The following UBXN11 variants were observed in gnomAD, a reference collection of about 807,000 sequenced individuals.
UBXN11 encodes UBX domain-containing protein 11.
A neutral mutation model predicts 62.8 loss-of-function variants in UBXN11; 47 were observed. The observed-to-expected ratio is 0.75, with a 90% CI of 0.59 to 0.95. The LOEUF (loss-of-function observed/expected upper bound fraction) is 0.95, where lower values mean the gene tolerates loss of function less well. Ranked by LOEUF, UBXN11 falls within the 40% of genes least tolerant of loss-of-function variation. UBXN11 has a pLI of 0.00. For missense variants in UBXN11, 638 were observed against 661.7 expected, an observed-to-expected ratio of 0.96 and a Z score of 0.39; for synonymous variants, 294 against 267.0, an observed-to-expected ratio of 1.10 and a Z score of -0.99.
intron 1 of UBXN11, among the ~76,000 whole-genome samples, chr1:26,315,657 T>C (rs1004406865): frequency 6.6e-6 from 1 of 152,226 alleles, no homozygotes; most frequent in Non-Finnish European, 1.5e-5. Flanking sequence ...AGTTCTTCTT[T>C]TCTTCTCTTC....
chr1:26,297,013 G>T lies in UBXN11; in HGVS notation c.356-18C>A. The T allele has an allele frequency of 6.3e-7, 1 of 1,592,036 alleles. No homozygotes were observed. Among genetic ancestry groups the T allele is most frequent in the Non-Finnish European group, 8.6e-7 (1 of 1,168,146 alleles). On this transcript the variant is annotated intron_variant, in intron 6 of 14. Coordinates refer to ENST00000374222, the MANE Select transcript of UBXN11 (RefSeq NM_001389556.1). ...TGCCTCGGCTTCAGGGAAAGACAGG[G>T]ACAGGCTTCAGCTGCCCCAGCAAGA... is the stretch of plus-strand genomic sequence containing the variant.
At chr1:26,301,545 A>C (rs1008711122) in intron 3 of UBXN11, 149 bp downstream of exon 3, 1 of 1,124,630 alleles carries the variant, frequency 8.9e-7, no homozygotes, top group Non-Finnish European at 1.3e-6. Context: ...GCCCTCAGGG[A>C]GGACAGCATG....
At chr1:26,294,973 G>A (rs968236390) in intron 7 of UBXN11, among the ~76,000 whole-genome samples, 2 of 151,800 alleles carry the variant, frequency 1.3e-5, no homozygotes, top group Admixed American at 6.6e-5. Flanking sequence ...TTCCTTCACC[G>A]TTTCCCCTTC....
At chr1:26,308,471 GT>G (rs1392154078), upstream of UBXN11, among the ~76,000 whole-genome samples, 2 of 152,072 alleles carry the variant, frequency 1.3e-5, no homozygotes, top group African/African-American at 4.8e-5. Flanking sequence ...AAGGAAGAAG[GT>G]GGTACAGACC....
intron 1 of UBXN11, among the ~76,000 whole-genome samples, chr1:26,317,739 C>T (rs1208151951): frequency 6.6e-6 from 1 of 152,112 alleles, no homozygotes. Flanking sequence ...CTACTTACTC[C>T]CACCGTTGCC....
intron 8 of UBXN11, among the ~76,000 whole-genome samples, chr1:26,289,573 A>G (rs2073209959): frequency 6.6e-6 from 1 of 151,992 alleles, no homozygotes; most frequent in African/African-American, 2.4e-5. Context: ...CTTTCCAGAA[A>G]TGTCTGAGCA....
intron 4 of UBXN11, among the ~76,000 whole-genome samples, chr1:26,298,519 C>T (rs1050228229): frequency 1.3e-5 from 2 of 152,202 alleles, no homozygotes; most frequent in Admixed American, 6.5e-5. Context: ...GCCGGGCATG[C>T]GGTGGCTCAT....
chr1:26,298,708 C>T (rs969888047), intron 4 of UBXN11, among the ~76,000 whole-genome samples: 6 of 139,462 alleles, frequency 4.3e-5, no homozygotes, highest in East Asian at 4.6e-4. Context: ...ACCCAGGAGG[C>T]GGAGGTTGCA....
chr1:26,297,089 G>C (rs2073412165), intron 6 of UBXN11, 94 bp from the exon 7 acceptor site: 1 of 1,433,246 alleles, frequency 7.0e-7, no homozygotes, highest in African/African-American at 1.4e-5. Context: ...GCTGTTCTGG[G>C]GATCCCCCAA....
chr1:26,297,517 T>C (rs1309219516), intron 5 of UBXN11, 36 bp from the exon 6 acceptor site: 2 of 1,521,976 alleles, frequency 1.3e-6, no homozygotes, highest in African/African-American at 2.8e-5. Flanking sequence ...ACAGGGCCTG[T>C]GGTTCCCAGA....
rs751469342 is a variant in UBXN11, at chr1:26,282,374, ACCGGG to A, written c.1483_1487del (p.Pro495SerfsTer?). 1 of 599,190 alleles carries A rather than the reference ACCGGG, an allele frequency of 1.7e-6. No individual in the cohort carries two copies. Among genetic ancestry groups the A allele is most frequent in the Non-Finnish European group, 2.4e-6 (1 of 408,258 alleles). The allele number at this position is 599,190 out of a possible 1,614,324, so 37.1% of individuals were successfully genotyped here. A position where few individuals can be genotyped will look rare whatever the true frequency, so the allele number is the denominator to read the frequency against. ...GACCGGGACTGGGGCCGGGACCGGG[ACCGGG>A]ACTGGGGCCGGGACCGGGACCGGGA... is the stretch of plus-strand genomic sequence containing the variant. On this transcript the variant is annotated frameshift_variant, in exon 15 of 15. Coordinates refer to ENST00000374222, the MANE Select transcript of UBXN11 (RefSeq NM_001389556.1). LOFTEE classifies it low-confidence loss of function (END_TRUNC).
chr1:26,313,072 GATTCACCTTGGA>G, intron 1 of UBXN11, among the ~76,000 whole-genome samples: 1 of 149,346 alleles, frequency 6.7e-6, no homozygotes, highest in Non-Finnish European at 1.5e-5. Context: ...GGTGGATGAA[GATTCACCTTGGA>G]TGCTGTATGA....
chr1:26,296,421 G>GC (rs1279437362), intron 7 of UBXN11, among the ~76,000 whole-genome samples: 1 of 152,240 alleles, frequency 6.6e-6, no homozygotes, highest in Non-Finnish European at 1.5e-5. Flanking sequence ...TGCCTAGGAG[G>GC]CCCGGGGGAT....
intron 1 of UBXN11, 152 bp downstream of exon 1, chr1:26,306,440 G>A (rs1462298541): frequency 6.6e-6 from 1 of 152,216 alleles, no homozygotes; most frequent in Non-Finnish European, 1.5e-5. Context: ...AGCCCTGGAG[G>A]CCGTGTCGCC....
chr1:26,293,777 A>G (rs1461057268), intron 8 of UBXN11, among the ~76,000 whole-genome samples: 2 of 148,704 alleles, frequency 1.3e-5, no homozygotes, highest in Non-Finnish European at 3.0e-5. Context: ...CCACAGAACC[A>G]GGTGGATTCC....
rs2073075582 is a variant in UBXN11 at position 26,284,359 on chromosome 1, C to T, written c.973+3G>A. On this transcript the variant is annotated splice_donor_region_variant and intron_variant, in intron 11 of 14. Transcript: ENST00000374222. ...CCTGGCTCAGCCTGGAGGCCAAACT[C>T]ACCTGGGTGCTCCTCCACCCTGTCC... is the stretch of plus-strand genomic sequence containing the variant. The T allele has an allele frequency of 6.2e-7, 1 of 1,613,984 alleles. No individual in the cohort carries two copies. Among genetic ancestry groups the T allele is most frequent in the Non-Finnish European group, 8.5e-7 (1 of 1,179,980 alleles).
At position 26,285,984 on chromosome 1, in the gene UBXN11, G is replaced by A. The variant is rs200432041; in HGVS notation, c.613C>T (p.Gln205Ter). The change falls in exon 9 of 15, where the codon CAG (glutamine) becomes TAG (stop). Residue 205 changes from glutamine (Q) to a stop codon, truncating the protein, a stop_gained. Transcript: ENST00000374222. LOFTEE classifies it high-confidence loss of function. The part of the protein sequence containing the change: ...VDFDRLLASL[Q>*]DLSELVVEGD... ...TCTACCACCAGCTCACTAAGATCCT[G>A]CAGGCTGGCCAGCAGCCTGTCAAAG... 257 of 1,612,734 alleles carry A rather than the reference G, an allele frequency of 1.6e-4. No homozygotes were observed. Among genetic ancestry groups the A allele is most frequent in the Non-Finnish European group, 2.0e-4 (235 of 1,179,108 alleles).
intron 2 of UBXN11, 114 bp downstream of exon 2, chr1:26,302,699 T>C (rs2073568268): frequency 1.7e-6 from 2 of 1,151,010 alleles, no homozygotes; most frequent in Admixed American, 5.4e-5. Flanking sequence ...GGGAAGGCTA[T>C]GTGGCCCTTC....
At chr1:26,295,325 G>A (rs1328036907) in intron 7 of UBXN11, among the ~76,000 whole-genome samples, 10 of 152,028 alleles carry the variant, frequency 6.6e-5, no homozygotes, top group African/African-American at 1.9e-4. Flanking sequence ...TCAAGCCACC[G>A]TCATCTTTCT....
Sources: gnomAD v4.1 joint callset for allele counts (sites outside exome capture counted in the v4.1 genomes callset) on GRCh38, gnomAD v4.1.1 for gene constraint, MANE v1.5 for transcripts, NCBI Gene and HGNC (gene_info 2026-07-23, HGNC 2026-07-21) for gene names.